Variants in SS18L1 observed in about 807,000 individuals in gnomAD.
SS18L1 encodes the protein calcium-responsive transactivator.
Under a neutral mutation model 70.3 loss-of-function variants are expected in SS18L1, and 32 were observed. That is an observed-to-expected ratio of 0.46 (90% CI 0.34 to 0.61). The LOEUF is 0.61. Ranked by LOEUF, SS18L1 falls within the 20% of genes least tolerant of loss-of-function variation. The pLI is 0.01. For synonymous variants in SS18L1, 237 were observed against 229.7 expected (o/e 1.03, Z -0.29); for missense variants, 430 against 542.1 (o/e 0.79, Z 2.05).
At chr20:62,149,341 G>A (rs1390322887) in intron 1 of SS18L1, among the ~76,000 whole-genome samples, 3 of 152,388 alleles carry the variant, frequency 2.0e-5, no homozygotes, top group Middle Eastern at 6.8e-3. Flanking sequence ...GGAGTCCAAA[G>A]GGTTGGGAGA....
At chr20:62,155,907 C>T (rs1283280087) in intron 1 of SS18L1, among the ~76,000 whole-genome samples, 1 of 151,888 alleles carries the variant, frequency 6.6e-6, no homozygotes, top group East Asian at 1.9e-4. Context: ...CATCCTTAGT[C>T]GCCGGCCGGG....
intron 1 of SS18L1, among the ~76,000 whole-genome samples, chr20:62,151,741 C>G (rs954825011): frequency 2.6e-5 from 4 of 152,202 alleles, no homozygotes; most frequent in African/African-American, 9.7e-5. Context: ...GCAGTGAGCA[C>G]AGGCTTTGGT....
chr20:62,178,141 C>CTTTT (rs61157167), intron 10 of SS18L1, among the ~76,000 whole-genome samples: 4 of 97,820 alleles, frequency 4.1e-5, no homozygotes, highest in African/African-American at 9.5e-5. Context: ...GTGGCTTATT[C>CTTTT]TTTTTTTTTT....
rs201815536 is a variant in SS18L1 at position 62,172,652 on chromosome 20, A to G, written c.917-30A>G. 126 of 1,614,048 alleles carry G rather than the reference A, an allele frequency of 7.8e-5. No homozygotes were observed. The East Asian group carries it at 2.4e-3, about 31-fold the overall frequency. On this transcript the variant is annotated intron_variant, in intron 8 of 10. Transcript: ENST00000331758. Reference sequence around the variant, plus strand: ...GAGCCCCCTTAGCCCAGGTGGGGAAAGTCATTTCTGTGTCTCCTCCTCCCT... The same window carrying G: ...GAGCCCCCTTAGCCCAGGTGGGGAAGGTCATTTCTGTGTCTCCTCCTCCCT...
chr20:62,179,760 T>C lies in SS18L1; in HGVS notation c.*552T>C. 1 of 231,878 alleles carries C rather than the reference T, an allele frequency of 4.3e-6. No individual in the cohort carries two copies. Among genetic ancestry groups the C allele is most frequent in the Non-Finnish European group, 8.5e-6 (1 of 117,320 alleles). 14.4% of individuals were successfully genotyped at this position (231,878 alleles called of 1,614,324 possible). On this transcript the variant is annotated 3_prime_UTR_variant, in exon 11 of 11. Coordinates refer to ENST00000331758, the MANE Select transcript of SS18L1 (RefSeq NM_198935.3). ...TTCTGTGCGTTGGGTCAGTTTCTGTTACGTAACGAAAAGGATAAACATCTC... is the reference window on the plus strand; with the variant it reads ...TTCTGTGCGTTGGGTCAGTTTCTGTCACGTAACGAAAAGGATAAACATCTC...
At position 62,181,353 on chromosome 20, in the gene SS18L1, A is replaced by G. The variant is rs1176504226; in HGVS notation, c.*2145A>G. ...GTGTTCTTTTCCTGTCAATTTTCAT[A>G]GACCTAATTTGCAAACTCAATCGGG... On this transcript the variant is annotated 3_prime_UTR_variant, in exon 11 of 11. Transcript: ENST00000331758. 3 of 208,026 alleles carry G rather than the reference A, an allele frequency of 1.4e-5. No homozygotes were observed. Among genetic ancestry groups the G allele is most frequent in the Non-Finnish European group, 2.9e-5 (3 of 101,942 alleles). The allele number at this position is 208,026 out of a possible 1,614,324, so 12.9% of individuals were successfully genotyped here.
intron 1 of SS18L1, among the ~76,000 whole-genome samples, chr20:62,145,348 C>G (rs531281459): frequency 6.6e-6 from 1 of 152,294 alleles, no homozygotes; most frequent in East Asian, 1.9e-4. Flanking sequence ...TGGTAAGTGG[C>G]ACAGCCAGGT....
At chr20:62,146,588 G>A (rs981073899) in intron 1 of SS18L1, among the ~76,000 whole-genome samples, 5 of 140,846 alleles carry the variant, frequency 3.5e-5, no homozygotes, top group East Asian at 2.0e-4. Flanking sequence ...TGCATCCAGC[G>A]TGTCTCTGCT....
chr20:62,174,017 T>TAAA lies in SS18L1; in HGVS notation c.1037-485_1037-483dup, dbSNP rs59638414. 2.2e-5 allele frequency among the ~76,000 whole-genome samples: 3 copies of TAAA among 133,824 alleles called. No individual in the cohort carries two copies. The highest frequency in any genetic ancestry group is 3.3e-5 in the Non-Finnish European group (2 of 60,946). The allele number at this position is 133,824 out of a possible 152,430, so 87.8% of individuals were successfully genotyped here. The stretch of plus-strand genomic sequence containing the variant: ...TTGGGTGACAGAGTGACACCCTGCC[T>TAAA]AAAAAAAAAAAAAAAAATTGGCCTC... On this transcript the variant is annotated intron_variant, in intron 9 of 10. Transcript: ENST00000331758. This position sits in a 1 kb window ranked among gnomAD's most constrained non-coding sequence, Gnocchi z 4.1.
chr20:62,181,702 G>A lies in SS18L1; in HGVS notation c.*2494G>A. ...TAATAACAGAATGTTTATTTAATGT[G>A]CTGTCCATTTTTATGTAATATTATG... On this transcript the variant is annotated 3_prime_UTR_variant, in exon 11 of 11. Transcript: ENST00000331758. 4.5e-6 allele frequency: 1 copy of A among 220,906 alleles called. No individual in the cohort carries two copies. The highest frequency in any genetic ancestry group is 9.1e-6 in the Non-Finnish European group (1 of 110,144). 13.7% of individuals were successfully genotyped at this position (220,906 alleles called of 1,614,324 possible). A position where few individuals can be genotyped will look rare whatever the true frequency, so the allele number is the denominator to read the frequency against.
chr20:62,149,798 C>G (rs1453299830), intron 1 of SS18L1, among the ~76,000 whole-genome samples: 1 of 152,218 alleles, frequency 6.6e-6, no homozygotes, highest in Non-Finnish European at 1.5e-5. Context: ...GGTGAGGACT[C>G]CATTCCAAAC....
intron 8 of SS18L1, among the ~76,000 whole-genome samples, chr20:62,170,264 G>A (rs1400241780): frequency 2.0e-5 from 3 of 152,216 alleles, no homozygotes; most frequent in African/African-American, 4.8e-5. Context: ...TCAGCACTTT[G>A]GGAGGCCGGG....
intron 8 of SS18L1, among the ~76,000 whole-genome samples, chr20:62,169,430 G>T (rs1236792650): frequency 6.6e-6 from 1 of 152,212 alleles, no homozygotes; most frequent in Non-Finnish European, 1.5e-5. Context: ...GTATGAGTCC[G>T]TCTGTATGTA....
At chr20:62,160,536 C>A (rs1474978205) in intron 3 of SS18L1, among the ~76,000 whole-genome samples, 1 of 152,170 alleles carries the variant, frequency 6.6e-6, no homozygotes, top group Non-Finnish European at 1.5e-5. Context: ...ACAGTAAATT[C>A]TCCCAGTGTT....
rs1389030374 is a variant in SS18L1, at chr20:62,164,191, G to A, written c.768G>A (p.Gln256=). Residue 256 remains glutamine, a synonymous_variant, in exon 7 of 11, where the codon CAG becomes CAA. Coordinates refer to ENST00000331758, the MANE Select transcript of SS18L1 (RefSeq NM_198935.3). ...YLGQEEYYGE[Q]YSHSQGAAEP... ...GCCAGGAGGAGTACTATGGCGAGCAGTACAGCCACAGCCAGGGCGCCGCGG... is the reference window on the plus strand; with the variant it reads ...GCCAGGAGGAGTACTATGGCGAGCAATACAGCCACAGCCAGGGCGCCGCGG... 1.3e-6 allele frequency: 2 copies of A among 1,550,214 alleles called. No homozygotes were observed. Among genetic ancestry groups the A allele is most frequent in the South Asian group, 2.4e-5 (2 of 84,026 alleles).
intron 10 of SS18L1, chr20:62,175,353 C>T (rs1387562957): frequency 1.0e-6 from 1 of 985,274 alleles, no homozygotes; most frequent in Admixed American, 6.2e-5. Context: ...ATCGCTTTCC[C>T]TCTGAGTGGG....
intron 8 of SS18L1, among the ~76,000 whole-genome samples, chr20:62,167,290 G>A (rs971712665): frequency 1.3e-5 from 2 of 150,166 alleles, no homozygotes; most frequent in Admixed American, 1.3e-4. Flanking sequence ...TGATCCACCT[G>A]CCTCAGCCTC....
chr20:62,149,968 C>G (rs1476360399), intron 1 of SS18L1, among the ~76,000 whole-genome samples: 1 of 152,214 alleles, frequency 6.6e-6, no homozygotes, highest in Non-Finnish European at 1.5e-5. Flanking sequence ...TTGTGCTGTG[C>G]TGTGACAGCC....
At position 62,146,523 on chromosome 20, in the gene SS18L1, C is replaced by T. The variant is rs138511039; in HGVS notation, c.69+2634C>T. Among the ~76,000 whole-genome samples the T allele has an allele frequency of 3.0e-3, 455 of 151,978 alleles. 3 individuals carry two copies. The highest frequency in any genetic ancestry group is 0.01 in the African/African-American group (432 of 41,394). ...CAAGTCCAGGGGTCAGTTACCTGCT[C>T]TTCTCCTGGCTTCTGATGACTGCGG... On this transcript the variant is annotated intron_variant, in intron 1 of 10. Coordinates refer to ENST00000331758, the MANE Select transcript of SS18L1 (RefSeq NM_198935.3).
Sources: allele counts gnomAD v4.1 joint callset (sites outside exome capture counted in the v4.1 genomes callset), GRCh38; gene constraint gnomAD v4.1.1; non-coding constraint Gnocchi (gnomAD v3.1); transcripts MANE v1.5; gene names NCBI Gene and HGNC (gene_info 2026-07-23, HGNC 2026-07-21).